Variants in CAGE1 observed in about 807,000 individuals in gnomAD.
CAGE1 encodes cancer-associated gene 1 protein.
A neutral mutation model predicts 94.9 loss-of-function variants in CAGE1; 66 were observed. The ratio of observed to expected loss-of-function variants is 0.70; its 90% CI spans 0.57 to 0.85. The LOEUF is 0.85. Among genes scored for constraint, CAGE1 ranks in the 40% least tolerant of loss-of-function variants. CAGE1 has a pLI of 0.00. For synonymous variants in CAGE1, 319 were observed against 321.0 expected (o/e 0.99, Z 0.07); for missense variants, 865 against 950.4 (o/e 0.91, Z 1.18).
chr6:7,366,654 G>A (rs954610057), intron 7 of CAGE1, among the ~76,000 whole-genome samples: 3 of 152,176 alleles, frequency 2.0e-5, no homozygotes, highest in Admixed American at 6.5e-5. Context: ...CTGGGGGAAC[G>A]AAATGCATCC....
intron 13 of CAGE1, among the ~76,000 whole-genome samples, chr6:7,328,271 C>T (rs1758601678): frequency 6.6e-6 from 1 of 152,168 alleles, no homozygotes; most frequent in Non-Finnish European, 1.5e-5. Flanking sequence ...GAGACAATTC[C>T]TGTACTCAAA....
chr6:7,339,288 CT>C lies in CAGE1; in HGVS notation c.2370-5199del. ...TGCCTGGGCAATGGCACACAGACCC[CT>C]AGTGGCCACCTCTTCAGCATAAAGC... On this transcript the variant is annotated intron_variant, in intron 11 of 13. Transcript: ENST00000502583. This position sits in a 1 kb window ranked among gnomAD's most constrained non-coding sequence, Gnocchi z 4.7. The C allele has an allele frequency of 6.3e-7, 1 of 1,582,526 alleles. No homozygotes were observed. Among genetic ancestry groups the C allele is most frequent in the Non-Finnish European group, 8.7e-7 (1 of 1,152,140 alleles).
intron 3 of CAGE1, among the ~76,000 whole-genome samples, chr6:7,384,920 A>G (rs9505187): frequency 0.034 from 5,159 of 152,216 alleles, 280 homozygotes; most frequent in African/African-American, 0.12. Context: ...CTGATTTCAA[A>G]CTAGTGGACT....
At chr6:7,380,786 A>G (rs1760907973) in intron 3 of CAGE1, among the ~76,000 whole-genome samples, 1 of 152,172 alleles carries the variant, frequency 6.6e-6, no homozygotes, top group African/African-American at 2.4e-5. Context: ...TTGCCCTTAA[A>G]AACAGCACTG....
chr6:7,331,505 C>A (rs1320819811), intron 12 of CAGE1: 1 of 415,248 alleles, frequency 2.4e-6, no homozygotes, highest in Admixed American at 3.5e-5. Flanking sequence ...TCACACCAGT[C>A]TCAATGTCTC....
chr6:7,359,052 T>C (rs1335290571), intron 9 of CAGE1, among the ~76,000 whole-genome samples: 1 of 117,424 alleles, frequency 8.5e-6, no homozygotes, highest in Non-Finnish European at 1.6e-5. Flanking sequence ...AATTTGCATC[T>C]TTTTTTTTTT....
At chr6:7,345,785 C>G (rs1024890796) in intron 11 of CAGE1, among the ~76,000 whole-genome samples, 1 of 151,928 alleles carries the variant, frequency 6.6e-6, no homozygotes, top group Admixed American at 6.6e-5. Flanking sequence ...ATTAGCTGGG[C>G]GTCGTGGCAG....
At chr6:7,341,420 G>A in intron 11 of CAGE1, 1 of 931,758 alleles carries the variant, frequency 1.1e-6, no homozygotes, top group South Asian at 1.3e-5. Flanking sequence ...CAAAAACACA[G>A]ATAGCATGTA....
intron 13 of CAGE1, 61 bp downstream of exon 13, chr6:7,329,788 T>C (rs192647736): frequency 2.5e-6 from 2 of 804,026 alleles, no homozygotes; most frequent in African/African-American, 3.4e-5. Context: ...TTAAATCTTG[T>C]GTTATTGTCA....
At chr6:7,379,303 T>C (rs1326118875) in intron 3 of CAGE1, among the ~76,000 whole-genome samples, 1 of 152,222 alleles carries the variant, frequency 6.6e-6, no homozygotes, top group African/African-American at 2.4e-5. Context: ...TCTTCAAAAT[T>C]CTTTTGTTGT....
chr6:7,341,727 C>A (rs1759185038), intron 11 of CAGE1: 1 of 698,564 alleles, frequency 1.4e-6, no homozygotes. Flanking sequence ...GAGCAGGCGC[C>A]AGGAAGGCCT....
Position 7,339,266 on chromosome 6 carries a change from C to T in CAGE1, c.2370-5176G>A, listed in dbSNP as rs1759079867. 7.6e-6 allele frequency: 12 copies of T among 1,586,606 alleles called. No individual in the cohort carries two copies. Among genetic ancestry groups the T allele is most frequent in the Non-Finnish European group, 8.7e-6 (10 of 1,156,020 alleles). On this transcript the variant is annotated intron_variant, in intron 11 of 13. Transcript: ENST00000502583. The surrounding 1 kb of genome is among the most constrained non-coding windows in gnomAD (Gnocchi z 4.7). ...GGAGTTTGTAAGGCAGAGACTCTGC[C>T]TGGGCAATGGCACACAGACCCCTAG... is the stretch of plus-strand genomic sequence containing the variant.
intron 3 of CAGE1, among the ~76,000 whole-genome samples, chr6:7,385,388 G>T (rs1761087128): frequency 6.6e-6 from 1 of 150,678 alleles, no homozygotes. Context: ...TAACAGCCTT[G>T]GACTTCCTGG....
chr6:7,365,614 C>T, intron 8 of CAGE1, 39 bp from the exon 9 acceptor site: 1 of 1,575,812 alleles, frequency 6.3e-7, no homozygotes, highest in Non-Finnish European at 8.7e-7. Flanking sequence ...TCAATCATTT[C>T]ATACTCCTTG....
At chr6:7,367,101 G>A (rs1417768728) in intron 7 of CAGE1, among the ~76,000 whole-genome samples, 1 of 151,888 alleles carries the variant, frequency 6.6e-6, no homozygotes, top group Non-Finnish European at 1.5e-5. Flanking sequence ...CTATCATTCA[G>A]CTTCAATAAT....
At chr6:7,338,903 G>A in intron 11 of CAGE1, 1 of 1,520,204 alleles carries the variant, frequency 6.6e-7, no homozygotes. Flanking sequence ...TTCTGAGATG[G>A]GGGTGGTGGG....
intron 13 of CAGE1, among the ~76,000 whole-genome samples, chr6:7,329,446 T>C (rs1278986249): frequency 6.6e-6 from 1 of 152,116 alleles, no homozygotes; most frequent in Non-Finnish European, 1.5e-5. Context: ...CAGAATGTGA[T>C]TGGGAACCAC....
At position 7,329,891 on chromosome 6, in the gene CAGE1, G is replaced by C; in HGVS notation, c.2439-3C>G. 7.2e-7 allele frequency: 1 copy of C among 1,381,026 alleles called. No homozygotes were observed. The highest frequency in any genetic ancestry group is 1.3e-5 in the South Asian group (1 of 79,864). The allele number at this position is 1,381,026 out of a possible 1,614,324, so 85.5% of individuals were successfully genotyped here. ...GATGATTTTCTAAGCTTTTTGATCTGTAAGAAATAGAAAGAAAATAATGTA... is the reference window on the plus strand; with the variant it reads ...GATGATTTTCTAAGCTTTTTGATCTCTAAGAAATAGAAAGAAAATAATGTA... On this transcript the variant is annotated splice_polypyrimidine_tract_variant and splice_region_variant and intron_variant, in intron 12 of 13. Coordinates refer to ENST00000502583, the MANE Select transcript of CAGE1 (RefSeq NM_001170692.2).
chr6:7,344,486 G>A (rs1251225707), intron 11 of CAGE1, among the ~76,000 whole-genome samples: 1 of 152,252 alleles, frequency 6.6e-6, no homozygotes, highest in African/African-American at 2.4e-5. Context: ...AGCCCGCCAT[G>A]CCTGAGCCTC....
Sources: allele counts gnomAD v4.1 joint callset (sites outside exome capture counted in the v4.1 genomes callset), GRCh38; gene constraint gnomAD v4.1.1; non-coding constraint Gnocchi (gnomAD v3.1); transcripts MANE v1.5; gene names NCBI Gene and HGNC (gene_info 2026-07-23, HGNC 2026-07-21).